Variants in SZT2 observed in about 807,000 individuals in gnomAD.
The protein encoded by SZT2 is SZT2 subunit of KICSTOR complex.
Under a neutral mutation model 404.2 loss-of-function variants are expected in SZT2, and 216 were observed. The ratio of observed to expected loss-of-function variants is 0.53; its 90% CI spans 0.48 to 0.60. SZT2 has a LOEUF of 0.60. SZT2 is among the 20% of genes least tolerant of loss of function. SZT2 has a pLI of 0.00. For synonymous variants in SZT2, 1,693 were observed against 1,749.9 expected, an observed-to-expected ratio of 0.97 and a Z score of 0.81; for missense variants, 3,857 against 4,459.2, an observed-to-expected ratio of 0.86 and a Z score of 3.85.
In SZT2 at chr1:43,439,087, C is replaced by T; in HGVS notation, c.6786C>T (p.His2262=). Residue 2262 remains histidine, a synonymous_variant, in exon 48 of 72, where the codon CAC becomes CAT. Coordinates refer to ENST00000634258, the MANE Select transcript of SZT2 (RefSeq NM_001365999.1). This position sits in a 1 kb window ranked among gnomAD's most constrained non-coding sequence, Gnocchi z 4.2. Reference sequence around the variant, plus strand: ...ACACAGATAGCAACAGCCGGAACCACTTCCAAGTGAGATGGCACTCATCTC... The same window carrying T: ...ACACAGATAGCAACAGCCGGAACCATTTCCAAGTGAGATGGCACTCATCTC... ...PKYTDSNSRN[H]FQHPLPPQGG... The T allele has an allele frequency of 1.9e-6, 3 of 1,614,208 alleles. No homozygotes were observed. The highest frequency in any genetic ancestry group is 2.5e-6 in the Non-Finnish European group (3 of 1,180,034).
chr1:43,450,223 A>AC lies in SZT2; in HGVS notation c.10155+52_10155+53insC. On this transcript the variant is annotated intron_variant, in intron 71 of 71. Transcript: ENST00000634258. The surrounding 1 kb of genome is among the most constrained non-coding windows in gnomAD (Gnocchi z 4.3). ...CAGCCTCATGGGAGGCCGTACCCCA[A>AC]ATGCTCCACCTCGGAGCCTGCTGAG... The AC allele has an allele frequency of 3.1e-6, 5 of 1,613,750 alleles. No homozygotes were observed. Among genetic ancestry groups the AC allele is most frequent in the Non-Finnish European group, 4.2e-6 (5 of 1,179,764 alleles).
chr1:43,409,567 A>C, intron 4 of SZT2: 1 of 269,726 alleles, frequency 3.7e-6, no homozygotes, highest in Non-Finnish European at 7.5e-6. Context: ...CAAATTCAGT[A>C]AAGTTGCAAG....
At chr1:43,415,714 A>C (rs1651628297) in intron 5 of SZT2, among the ~76,000 whole-genome samples, 2 of 152,236 alleles carry the variant, frequency 1.3e-5, no homozygotes, top group African/African-American at 4.8e-5. Context: ...AAGATGGAGA[A>C]GCCCTACTTC....
chr1:43,421,599 G>A (rs1652371411), intron 11 of SZT2, among the ~76,000 whole-genome samples: 1 of 152,214 alleles, frequency 6.6e-6, no homozygotes, highest in Admixed American at 6.5e-5. Flanking sequence ...CCATCTCCAC[G>A]TGACATACTC....
chr1:43,432,884 A>T, intron 39 of SZT2, 85 bp downstream of exon 39: 1 of 1,589,566 alleles, frequency 6.3e-7, no homozygotes, highest in Non-Finnish European at 8.6e-7. Flanking sequence ...GACAGGAGAC[A>T]TCAGAAGGGA....
intron 36 of SZT2, 96 bp from the exon 37 acceptor site, chr1:43,432,176 A>C (rs919800779): frequency 1.5e-6 from 2 of 1,332,748 alleles, no homozygotes; most frequent in African/African-American, 2.9e-5. Flanking sequence ...CATCTGCTTT[A>C]CCAGGTAGTT....
chr1:43,404,421 T>C lies in SZT2; in HGVS notation c.369T>C (p.His123=), dbSNP rs774721892. The C allele has an allele frequency of 3.1e-6, 5 of 1,614,006 alleles. No individual in the cohort carries two copies. The highest frequency in any genetic ancestry group is 4.2e-6 in the Non-Finnish European group (5 of 1,179,984). ...AGATCTTGTTTGATGAAGTTTTCCA[T>C]GCCCTGTCCCGCTGCTTAGGCGGGC... ...TGEILFDEVF[H]ALSRCLGGLL... is the part of the protein sequence containing the mutation. The change falls in exon 4 of 72, where the codon CAT becomes CAC. Residue 123 remains histidine (H), a synonymous_variant. Transcript: ENST00000634258.
intron 62 of SZT2, 141 bp downstream of exon 62, chr1:43,443,937 CAT>C (rs1655383463): frequency 1.0e-6 from 1 of 989,970 alleles, no homozygotes; most frequent in Non-Finnish European, 1.5e-6. Flanking sequence ...GGCTTGCACT[CAT>C]GTGAGGGTCT....
Position 43,453,762 on chromosome 1 carries a change from G to A in SZT2, c.*3282G>A, listed in dbSNP as rs901383791. 1.5e-6 allele frequency: 2 copies of A among 1,316,048 alleles called. No individual in the cohort carries two copies. Among genetic ancestry groups the A allele is most frequent in the African/African-American group, 3.1e-5 (2 of 65,214 alleles). 81.5% of individuals were successfully genotyped at this position (1,316,048 alleles called of 1,614,324 possible). A position where few individuals can be genotyped will look rare whatever the true frequency, so the allele number is the denominator to read the frequency against. On this transcript the variant is annotated 3_prime_UTR_variant, in exon 72 of 72. Transcript: ENST00000634258. ...GCCGGAGAGCTCGGGGAATAGCCAGGACAGATTGGCGGAGAAGCGCAGCGG... is the reference window on the plus strand; with the variant it reads ...GCCGGAGAGCTCGGGGAATAGCCAGAACAGATTGGCGGAGAAGCGCAGCGG...
intron 4 of SZT2, among the ~76,000 whole-genome samples, chr1:43,413,748 T>A (rs1651360165): frequency 6.6e-6 from 1 of 152,056 alleles, no homozygotes. Context: ...AGCTAAAAAT[T>A]AAAACAATTG....
intron 28 of SZT2, chr1:43,429,395 G>A (rs940726861): frequency 4.6e-5 from 13 of 284,674 alleles, no homozygotes; most frequent in East Asian, 2.8e-4. Context: ...TTAGCTGGGC[G>A]TGGTGGCATA....
intron 63 of SZT2, 49 bp downstream of exon 63, chr1:43,446,033 A>G: frequency 6.2e-7 from 1 of 1,604,418 alleles, no homozygotes; most frequent in Non-Finnish European, 8.5e-7. Flanking sequence ...TTACTTTCCC[A>G]CGGCCTGAGG....
chr1:43,439,796 G>T lies in SZT2; in HGVS notation c.7042+27G>T, dbSNP rs1458791863. ...TGGGACAGCTTGGTCAGAGGATGAG[G>T]TGTTCAGTTATTGCTGTGGGAGGTA... On this transcript the variant is annotated intron_variant, in intron 50 of 71. Transcript: ENST00000634258. The surrounding 1 kb of genome is among the most constrained non-coding windows in gnomAD (Gnocchi z 4.2). 3 of 1,569,690 alleles carry T rather than the reference G, an allele frequency of 1.9e-6. No individual in the cohort carries two copies. The highest frequency in any genetic ancestry group is 3.6e-5 in the Admixed American group (2 of 56,034).
chr1:43,422,526 A>G lies in SZT2; in HGVS notation c.1816A>G (p.Ser606Gly). The change falls in exon 13 of 72, where the codon AGC (serine) becomes GGC (glycine). Residue 606 changes from serine (S) to glycine (G), a missense_variant. By Grantham distance (56) the Ser-to-Gly change is moderately conservative. This residue lies in a region of SZT2 where 1,725 missense variants were observed against 1,881.0 expected (regional missense o/e 0.92). Transcript: ENST00000634258. ...CACCCCGGGCAGCAATGGGCGCTAC[A>G]GCACTATCCAGTGCAGGATCTCCCA... Reference protein sequence around the residue: ...LHTPGSNGRYSTIQCRISHSS... With the variant: ...LHTPGSNGRYGTIQCRISHSS... The G allele has an allele frequency of 6.3e-7, 1 of 1,597,824 alleles. No homozygotes were observed. The highest frequency in any genetic ancestry group is 8.5e-7 in the Non-Finnish European group (1 of 1,179,510).
intron 40 of SZT2, 116 bp from the exon 41 acceptor site, chr1:43,434,270 A>G: frequency 2.3e-6 from 2 of 884,444 alleles, no homozygotes; most frequent in Non-Finnish European, 1.7e-6. Context: ...CCCCACCTCC[A>G]TGACTTTCTC....
chr1:43,408,499 C>G (rs2153930484), intron 4 of SZT2, among the ~76,000 whole-genome samples: 1 of 152,154 alleles, frequency 6.6e-6, no homozygotes, highest in Non-Finnish European at 1.5e-5. Flanking sequence ...CTCTTGACTT[C>G]AAGTGATCCT....
At chr1:43,434,289 G>A (rs904924356) in intron 40 of SZT2, 97 bp from the exon 41 acceptor site, 52 of 1,056,588 alleles carry the variant, frequency 4.9e-5, no homozygotes, top group South Asian at 3.5e-4. Context: ...TCTCCCCCTC[G>A]TGATACGTAT....
intron 41 of SZT2, 28 bp from the exon 42 acceptor site, chr1:43,435,172 T>C (rs1324034048): frequency 6.2e-7 from 1 of 1,610,832 alleles, no homozygotes; most frequent in Non-Finnish European, 8.5e-7. Flanking sequence ...GGTATTTCAG[T>C]TCCCTGACCT....
rs779932764 is a variant in SZT2 at position 43,442,070 on chromosome 1, G to C, written c.7813G>C (p.Glu2605Gln). 1.2e-6 allele frequency: 2 copies of C among 1,614,112 alleles called. No homozygotes were observed. The highest frequency in any genetic ancestry group is 2.2e-5 in the South Asian group (2 of 91,076). Reference sequence around the variant, plus strand: ...GGGCCCCTCTCCCCGCCCTGCAGCTGAGCGGCATCTGCTGCTTCTGGGAAG... The same window carrying C: ...GGGCCCCTCTCCCCGCCCTGCAGCTCAGCGGCATCTGCTGCTTCTGGGAAG... ...QLGPSPRPAA[E>Q]RHLLLLGRNF... Residue 2605 changes from glutamate (E) to glutamine (Q), a missense_variant, in exon 56 of 72, where the codon GAG becomes CAG. Physicochemically the swap from Glu to Gln is conservative, Grantham distance 29. Around this residue, in one of 7 missense-constraint regions of SZT2, gnomAD observed 573 missense variants for 592.4 expected, o/e 0.97. Coordinates refer to ENST00000634258, the MANE Select transcript of SZT2 (RefSeq NM_001365999.1). This position sits in a 1 kb window ranked among gnomAD's most constrained non-coding sequence, Gnocchi z 4.5.
Sources: allele counts gnomAD v4.1 joint callset (sites outside exome capture counted in the v4.1 genomes callset), GRCh38; gene constraint gnomAD v4.1.1; regional missense constraint gnomAD v4.1.1; non-coding constraint Gnocchi (gnomAD v3.1); transcripts MANE v1.5; gene names NCBI Gene and HGNC (gene_info 2026-07-23, HGNC 2026-07-21).